The following THSD7A variants were observed in gnomAD, a reference collection of about 807,000 sequenced individuals.
THSD7A encodes thrombospondin type 1 domain containing 7A, also known as thrombospondin type-1 domain-containing protein 7A.
A neutral mutation model predicts 231.3 loss-of-function variants in THSD7A; 96 were observed. The observed-to-expected ratio is 0.41, with a 90% CI of 0.35 to 0.49. THSD7A has a LOEUF of 0.49. Ranked by LOEUF, THSD7A falls within the 20% of genes least tolerant of loss-of-function variation. THSD7A has a pLI of 0.05. For missense variants in THSD7A, 2,290 were observed against 2,070.2 expected (o/e 1.11, Z -2.06); for synonymous variants, 940 against 743.3 (o/e 1.26, Z -4.30).
intron 24 of THSD7A, among the ~76,000 whole-genome samples, chr7:11,382,267 G>C (rs768179557): frequency 6.6e-6 from 1 of 152,050 alleles, no homozygotes; most frequent in South Asian, 2.1e-4. Flanking sequence ...TTATTTATTA[G>C]AATTAGATAG....
chr7:11,484,503 AC>A (rs1246375338), intron 6 of THSD7A, among the ~76,000 whole-genome samples: 1 of 152,068 alleles, frequency 6.6e-6, no homozygotes, highest in Non-Finnish European at 1.5e-5. Flanking sequence ...TTTTCATTAT[AC>A]TTTTAATCAC....
Position 11,459,665 on chromosome 7 carries a change from A to AT in THSD7A, c.2605+996dup, listed in dbSNP as rs34415355. On this transcript the variant is annotated intron_variant, in intron 11 of 27. Transcript: ENST00000423059. ...AAAAGGAAGATTATAAAAACAGGGGATTTTTTTTTTTTTTTTTTTTTTTTT... is the reference window on the plus strand; with the variant it reads ...AAAAGGAAGATTATAAAAACAGGGGATTTTTTTTTTTTTTTTTTTTTTTTTT... 9.3e-3 allele frequency among the ~76,000 whole-genome samples: 370 copies of AT among 39,902 alleles called. 19 individuals carry two copies. The highest frequency in any genetic ancestry group is 0.019 in the Admixed American group (43 of 2,302). 26.2% of individuals were successfully genotyped at this position (39,902 alleles called of 152,430 possible). A position where few individuals can be genotyped will look rare whatever the true frequency, so the allele number is the denominator to read the frequency against.
chr7:11,785,197 CT>C (rs1783750193), intron 1 of THSD7A, among the ~76,000 whole-genome samples: 1 of 152,050 alleles, frequency 6.6e-6, no homozygotes. Flanking sequence ...ACTTTCAGGT[CT>C]TTTTAATTTA....
intron 3 of THSD7A, 149 bp downstream of exon 3, chr7:11,593,105 C>T: frequency 9.8e-7 from 1 of 1,024,944 alleles, no homozygotes; most frequent in Non-Finnish European, 1.4e-6. Context: ...CACTTTTATT[C>T]TGTAAAAAAA....
At chr7:11,660,841 C>T (rs1032538203) in intron 1 of THSD7A, among the ~76,000 whole-genome samples, 3 of 151,484 alleles carry the variant, frequency 2.0e-5, no homozygotes, top group African/African-American at 7.2e-5. Context: ...TGAGACCAAA[C>T]GTCCCAAGGA....
rs575624140 is a variant in THSD7A at position 11,655,231 on chromosome 7, A to T, written c.191-18270T>A. ...CATAAATAATTAAGTAAATTATGAT[A>T]AAAAATATTATTTATTTTAGAATCT... On this transcript the variant is annotated intron_variant, in intron 1 of 27. Transcript: ENST00000423059. Among the ~76,000 whole-genome samples, 11 of 132,912 alleles carry T rather than the reference A, an allele frequency of 8.3e-5. No individual in the cohort carries two copies. The South Asian group carries it at 2.4e-3, about 29-fold the overall frequency. 87.2% of individuals were successfully genotyped at this position (132,912 alleles called of 152,430 possible).
chr7:11,570,423 T>C (rs1790574045), intron 4 of THSD7A, among the ~76,000 whole-genome samples: 1 of 152,138 alleles, frequency 6.6e-6, no homozygotes, highest in Non-Finnish European at 1.5e-5. Context: ...AAGTTTTCAA[T>C]AGCACAGTTG....
chr7:11,742,923 A>C (rs1434809307), intron 1 of THSD7A, among the ~76,000 whole-genome samples: 1 of 151,886 alleles, frequency 6.6e-6, no homozygotes, highest in Non-Finnish European at 1.5e-5. Context: ...GCTACTTTCT[A>C]ATATAATTAT....
rs1018853357 is a variant in THSD7A, at chr7:11,444,683, T to C, written c.3064+1378A>G. Among the ~76,000 whole-genome samples the C allele has an allele frequency of 6.6e-6, 1 of 151,606 alleles. No individual in the cohort carries two copies. Among genetic ancestry groups the C allele is most frequent in the African/African-American group, 2.4e-5 (1 of 41,260 alleles). ...GGTTGATGGGTGCAGCAAACCACCA[T>C]GGTACGTGTATACCTATGTTGCAAA... On this transcript the variant is annotated intron_variant, in intron 13 of 27. Transcript: ENST00000423059. The surrounding 1 kb of genome is among the most constrained non-coding windows in gnomAD (Gnocchi z 4.2).
chr7:11,425,005 G>C (rs1784273006), intron 15 of THSD7A, among the ~76,000 whole-genome samples, 176 bp from the exon 16 acceptor site: 1 of 152,164 alleles, frequency 6.6e-6, no homozygotes, highest in African/African-American at 2.4e-5. Flanking sequence ...GTAGAGGATA[G>C]GGCTAACCAT....
intron 2 of THSD7A, among the ~76,000 whole-genome samples, chr7:11,595,125 CT>C (rs774229849): frequency 1.3e-5 from 2 of 152,174 alleles, no homozygotes; most frequent in African/African-American, 4.8e-5. Flanking sequence ...ATGGCCTCCC[CT>C]GAGGCAGTTG....
At chr7:11,527,375 C>G (rs553400786) in intron 6 of THSD7A, among the ~76,000 whole-genome samples, 1 of 151,912 alleles carries the variant, frequency 6.6e-6, no homozygotes, top group Admixed American at 6.6e-5. Context: ...AATCTTGAAA[C>G]AAAATTGGCC....
chr7:11,653,086 T>A (rs1279118341), intron 1 of THSD7A, among the ~76,000 whole-genome samples: 1 of 151,986 alleles, frequency 6.6e-6, no homozygotes, highest in Non-Finnish European at 1.5e-5. Flanking sequence ...CACTGTATTG[T>A]TTTTGCAAAT....
At chr7:11,756,590 G>T (rs1782684380) in intron 1 of THSD7A, among the ~76,000 whole-genome samples, 1 of 150,524 alleles carries the variant, frequency 6.6e-6, no homozygotes, top group Non-Finnish European at 1.5e-5. Flanking sequence ...CAAATCACAG[G>T]ACAAGAAAAA....
At chr7:11,727,620 G>A (rs1380663429) in intron 1 of THSD7A, among the ~76,000 whole-genome samples, 1 of 151,872 alleles carries the variant, frequency 6.6e-6, no homozygotes, top group Non-Finnish European at 1.5e-5. Context: ...CTATATAAGA[G>A]TTTCCTGTTT....
chr7:11,718,712 T>C (rs574070897), intron 1 of THSD7A, among the ~76,000 whole-genome samples: 4 of 151,792 alleles, frequency 2.6e-5, no homozygotes, highest in South Asian at 2.1e-4. Flanking sequence ...GACATAATTA[T>C]AAAATCCACA....
chr7:11,445,519 A>ATGTGTG (rs10691034), intron 13 of THSD7A, among the ~76,000 whole-genome samples: 2 of 149,180 alleles, frequency 1.3e-5, no homozygotes, highest in Non-Finnish European at 3.0e-5. Context: ...CGTTTGTTTT[A>ATGTGTG]TGTGTGTGTG....
At chr7:11,548,102 T>C (rs1308291779) in intron 4 of THSD7A, among the ~76,000 whole-genome samples, 1 of 152,022 alleles carries the variant, frequency 6.6e-6, no homozygotes, top group Non-Finnish European at 1.5e-5. Context: ...ATAAGATTGA[T>C]AGATTGCTAG....
intron 11 of THSD7A, among the ~76,000 whole-genome samples, chr7:11,448,667 G>A (rs1164085338): frequency 6.6e-6 from 1 of 152,050 alleles, no homozygotes; most frequent in Non-Finnish European, 1.5e-5. Context: ...GCAGGGCTTT[G>A]TAATAGAGTG....
Sources: gnomAD v4.1 joint callset for allele counts (sites outside exome capture counted in the v4.1 genomes callset) on GRCh38, gnomAD v4.1.1 for gene constraint, Gnocchi (gnomAD v3.1) non-coding constraint, MANE v1.5 for transcripts, NCBI Gene and HGNC (gene_info 2026-07-23, HGNC 2026-07-21) for gene names.